The following TMEM132D variants were observed in gnomAD, a reference collection of about 807,000 sequenced individuals.
TMEM132D encodes the protein transmembrane protein 132D, also known as mature OL transmembrane protein.
TMEM132D carries 21 observed loss-of-function variants against 62.3 expected under a neutral mutation model. The observed-to-expected ratio is 0.34, with a 90% CI of 0.24 to 0.49. TMEM132D has a LOEUF of 0.49. Among genes scored for constraint, TMEM132D ranks in the 20% least tolerant of loss-of-function variants. The pLI is 0.99. For missense variants in TMEM132D, 1,346 were observed against 1,402.8 expected (o/e 0.96, Z 0.65); for synonymous variants, 621 against 575.6 (o/e 1.08, Z -1.13).
intron 5 of TMEM132D, among the ~76,000 whole-genome samples, chr12:129,115,242 T>G (rs1875858884): frequency 6.6e-6 from 1 of 152,222 alleles, no homozygotes; most frequent in Non-Finnish European, 1.5e-5. Flanking sequence ...CATCAAATTC[T>G]TAGCAGGACC....
intron 1 of TMEM132D, among the ~76,000 whole-genome samples, chr12:129,764,590 TTGTA>T (rs1239201757): frequency 3.8e-5 from 1 of 26,172 alleles, no homozygotes; most frequent in Non-Finnish European, 1.3e-4. Flanking sequence ...GTATGTGTGT[TTGTA>T]TGTGTGTGTG....
chr12:129,178,860 C>T (rs1393914184), intron 5 of TMEM132D, among the ~76,000 whole-genome samples: 1 of 152,184 alleles, frequency 6.6e-6, no homozygotes, highest in Non-Finnish European at 1.5e-5. Flanking sequence ...GGCCAGGTGG[C>T]TGCTGTGGGT....
At chr12:129,181,945 G>C (rs1198288134) in intron 5 of TMEM132D, among the ~76,000 whole-genome samples, 1 of 152,178 alleles carries the variant, frequency 6.6e-6, no homozygotes, top group Non-Finnish European at 1.5e-5. Context: ...CACCACCAGT[G>C]TGTCTAATTC....
chr12:129,442,791 C>T (rs1872978298), intron 3 of TMEM132D, among the ~76,000 whole-genome samples: 1 of 152,158 alleles, frequency 6.6e-6, no homozygotes, highest in Non-Finnish European at 1.5e-5. Context: ...TCAAATACAT[C>T]TCATGGATGA....
chr12:129,833,079 G>A (rs773091011), intron 1 of TMEM132D, among the ~76,000 whole-genome samples: 5 of 152,170 alleles, frequency 3.3e-5, no homozygotes, highest in Non-Finnish European at 5.9e-5. Flanking sequence ...GAAGATGCTC[G>A]TGCCTGAGTG....
At chr12:129,747,474 A>G (rs1869837279) in intron 1 of TMEM132D, among the ~76,000 whole-genome samples, 1 of 150,102 alleles carries the variant, frequency 6.7e-6, no homozygotes, top group African/African-American at 2.5e-5. Context: ...TCAGACACAC[A>G]CACTCTCAGA....
At chr12:129,659,420 A>G (rs2137190300) in intron 2 of TMEM132D, among the ~76,000 whole-genome samples, 2 of 152,326 alleles carry the variant, frequency 1.3e-5, no homozygotes, top group Middle Eastern at 3.4e-3. Flanking sequence ...TGGCAGGAAA[A>G]CAAAAAACAG....
In TMEM132D at chr12:129,695,050, C is replaced by T. The variant is rs114477282; in HGVS notation, c.968+4760G>A. Among the ~76,000 whole-genome samples, 624 of 152,246 alleles carry T rather than the reference C, an allele frequency of 4.1e-3. 9 individuals carry two copies. The highest frequency in any genetic ancestry group is 0.014 in the African/African-American group (592 of 41,550). On this transcript the variant is annotated intron_variant, in intron 2 of 8. Coordinates refer to ENST00000422113, the MANE Select transcript of TMEM132D (RefSeq NM_133448.3). ...ATAAATAAATAATGTGTTCTGACCA[C>T]GAGGCACCCCTGCAGTCTCTCTGAA...
In TMEM132D at chr12:129,135,551, C is replaced by T. The variant is rs147804278; in HGVS notation, c.1444-50849G>A. ...TAAGGTTTTATCTGAGCATAAAGGC[C>T]TTTGCTCAGCGTGACAGCTTTATAG... On this transcript the variant is annotated intron_variant, in intron 5 of 8. Coordinates refer to ENST00000422113, the MANE Select transcript of TMEM132D (RefSeq NM_133448.3). 4.9e-3 allele frequency among the ~76,000 whole-genome samples: 752 copies of T among 152,298 alleles called. 5 individuals are homozygous for T. Among genetic ancestry groups the T allele is most frequent in the African/African-American group, 0.017 (717 of 41,566 alleles).
chr12:129,153,385 C>A (rs1007046931), intron 5 of TMEM132D, among the ~76,000 whole-genome samples: 1 of 151,758 alleles, frequency 6.6e-6, no homozygotes, highest in East Asian at 1.9e-4. Context: ...TGAGAGATTG[C>A]GGGCCTAAAT....
At chr12:129,444,932 A>G (rs945599652) in intron 3 of TMEM132D, among the ~76,000 whole-genome samples, 4 of 152,222 alleles carry the variant, frequency 2.6e-5, no homozygotes, top group Non-Finnish European at 2.9e-5. Flanking sequence ...TGATTCCTCA[A>G]AGAACTACAA....
chr12:129,378,642 G>T (rs1870851237), intron 3 of TMEM132D, among the ~76,000 whole-genome samples: 1 of 152,178 alleles, frequency 6.6e-6, no homozygotes, highest in Admixed American at 6.5e-5. Context: ...ACAGCTCCTG[G>T]CTGGTTCTCA....
chr12:129,595,055 A>G (rs1181880567), intron 2 of TMEM132D, among the ~76,000 whole-genome samples: 2 of 152,244 alleles, frequency 1.3e-5, no homozygotes, highest in Non-Finnish European at 2.9e-5. Flanking sequence ...TACTTGCTCC[A>G]AGACACAGAT....
At chr12:129,295,307 A>G (rs1881545440) in intron 4 of TMEM132D, among the ~76,000 whole-genome samples, 1 of 152,068 alleles carries the variant, frequency 6.6e-6, no homozygotes, top group African/African-American at 2.4e-5. Flanking sequence ...TGCCGGCTAC[A>G]CACTATGGAA....
At chr12:129,129,390 T>G (rs1420354011) in intron 5 of TMEM132D, among the ~76,000 whole-genome samples, 1 of 152,310 alleles carries the variant, frequency 6.6e-6, no homozygotes, top group South Asian at 2.1e-4. Context: ...TCCAATCCAC[T>G]GTTGATGGGC....
intron 4 of TMEM132D, among the ~76,000 whole-genome samples, chr12:129,311,857 C>A (rs1380207923): frequency 6.6e-6 from 1 of 152,124 alleles, no homozygotes; most frequent in Non-Finnish European, 1.5e-5. Flanking sequence ...GCGTCTAGGG[C>A]TCACCAGCAA....
chr12:129,138,026 C>A (rs972741137), intron 5 of TMEM132D, among the ~76,000 whole-genome samples: 2 of 151,928 alleles, frequency 1.3e-5, no homozygotes, highest in Non-Finnish European at 2.9e-5. Flanking sequence ...TAAAATTTTT[C>A]TTTTCTAAAA....
intron 4 of TMEM132D, among the ~76,000 whole-genome samples, chr12:129,305,899 CAG>C (rs1881836612): frequency 6.6e-6 from 1 of 152,016 alleles, no homozygotes; most frequent in South Asian, 2.1e-4. Flanking sequence ...AGATACAAAG[CAG>C]AGAGAGAAAA....
chr12:129,643,081 C>T (rs559350372), intron 2 of TMEM132D, among the ~76,000 whole-genome samples: 2 of 152,070 alleles, frequency 1.3e-5, no homozygotes, highest in Admixed American at 6.5e-5. Flanking sequence ...CACTCCACCA[C>T]GCCCGACTAA....
Sources: gnomAD v4.1 joint callset for allele counts (sites outside exome capture counted in the v4.1 genomes callset) on GRCh38, gnomAD v4.1.1 for gene constraint, MANE v1.5 for transcripts, NCBI Gene and HGNC (gene_info 2026-07-23, HGNC 2026-07-21) for gene names.